The following CLIP1 variants were observed in gnomAD, a reference collection of about 807,000 sequenced individuals.
CLIP1 encodes the protein CAP-Gly domain containing linker protein 1, also known as CAP-Gly domain-containing linker protein 1.
In CLIP1, 66 loss-of-function variants were observed where a neutral mutation model predicts 161.6. That is an observed-to-expected ratio of 0.41 (90% CI 0.33 to 0.50). The LOEUF (loss-of-function observed/expected upper bound fraction) is 0.50, where lower values mean the gene tolerates loss of function less well. CLIP1 is among the 20% of genes least tolerant of loss of function. CLIP1 has a pLI of 0.27. For synonymous variants in CLIP1, 598 were observed against 626.2 expected (o/e 0.96, Z 0.67); for missense variants, 1,376 against 1,702.0 (o/e 0.81, Z 3.37).
At position 122,312,316 on chromosome 12, in the gene CLIP1, T is replaced by C. The variant is rs191014003; in HGVS notation, c.3474-2434A>G. The stretch of plus-strand genomic sequence containing the variant: ...TATACACCACAAGAAACTGTTTCAT[T>C]GTTATCTACAACTGAAAATAGGAGC... On this transcript the variant is annotated intron_variant, in intron 19 of 25. Transcript: ENST00000620786. Among the ~76,000 whole-genome samples, 28 of 152,354 alleles carry C rather than the reference T, an allele frequency of 1.8e-4. No individual in the cohort carries two copies. The East Asian group carries it at 5.2e-3, about 28-fold the overall frequency.
rs1429828463 is a variant in CLIP1, at chr12:122,369,166, G to A, written c.658-5059C>T. 2.0e-5 allele frequency among the ~76,000 whole-genome samples: 3 copies of A among 151,930 alleles called. No individual in the cohort carries two copies. The South Asian group carries it at 6.2e-4, about 32-fold the overall frequency. ...CCCAAGCAGCTGGGATTACAGGCATGTGCCACCACGCCCGGCTAATATTTT... is the reference window on the plus strand; with the variant it reads ...CCCAAGCAGCTGGGATTACAGGCATATGCCACCACGCCCGGCTAATATTTT... On this transcript the variant is annotated intron_variant, in intron 3 of 25. Coordinates refer to ENST00000620786, the MANE Select transcript of CLIP1 (RefSeq NM_001247997.2).
At chr12:122,327,509 G>A in intron 17 of CLIP1, among the ~76,000 whole-genome samples, 1 of 151,916 alleles carries the variant, frequency 6.6e-6, no homozygotes, top group African/African-American at 2.4e-5. Flanking sequence ...CTCCAACCAG[G>A]CTCTCTCTAG....
chr12:122,368,210 C>A (rs1420772537), intron 3 of CLIP1, among the ~76,000 whole-genome samples: 2 of 152,040 alleles, frequency 1.3e-5, no homozygotes, highest in African/African-American at 4.8e-5. Context: ...ATATATATTT[C>A]TTGAGTGTTT....
intron 17 of CLIP1, 63 bp downstream of exon 17, chr12:122,327,884 T>A: frequency 6.6e-7 from 1 of 1,512,584 alleles, no homozygotes. Flanking sequence ...CTAAGCACCC[T>A]TCCTGCCTCG....
chr12:122,294,328 C>CAAAAA (rs59785886), intron 20 of CLIP1, among the ~76,000 whole-genome samples: 10 of 84,094 alleles, frequency 1.2e-4, no homozygotes, highest in African/African-American at 3.8e-4. Flanking sequence ...GACTCTGTCT[C>CAAAAA]AAAAAAAAAA....
chr12:122,310,754 C>A (rs1000539168), intron 19 of CLIP1, among the ~76,000 whole-genome samples: 12 of 152,194 alleles, frequency 7.9e-5, no homozygotes, highest in African/African-American at 2.7e-4. Flanking sequence ...GGTTAAACTC[C>A]ATTTAGCAAG....
At chr12:122,373,356 G>C (rs1954549671) in intron 3 of CLIP1, among the ~76,000 whole-genome samples, 1 of 151,774 alleles carries the variant, frequency 6.6e-6, no homozygotes, top group African/African-American at 2.4e-5. Context: ...CCGGCAGGCA[G>C]AGGTTGCAGT....
At chr12:122,383,016 C>A (rs2136866233) in intron 1 of CLIP1, among the ~76,000 whole-genome samples, 1 of 152,278 alleles carries the variant, frequency 6.6e-6, no homozygotes, top group East Asian at 1.9e-4. Context: ...CTGCTGCTGC[C>A]TCAGACAGAT....
intron 3 of CLIP1, among the ~76,000 whole-genome samples, chr12:122,373,147 G>A (rs977950950): frequency 2.6e-5 from 4 of 152,098 alleles, no homozygotes; most frequent in Non-Finnish European, 4.4e-5. Context: ...AATAAGGGCC[G>A]GGCGTGGTGG....
chr12:122,355,378 C>T lies in CLIP1; in HGVS notation c.1006-66G>A, dbSNP rs1159040582. On this transcript the variant is annotated intron_variant, in intron 5 of 25. Transcript: ENST00000620786. The surrounding 1 kb of genome is among the most constrained non-coding windows in gnomAD (Gnocchi z 4.1). ...TCAGAAAAGCGAGGGAGGCGCGATG[C>T]ATGCATGGCGGGCATCTGCTCGGCA... The T allele has an allele frequency of 4.1e-6, 6 of 1,449,590 alleles. No homozygotes were observed. In the African/African-American group the frequency reaches 5.6e-5, roughly 13 times the overall value. The allele number at this position is 1,449,590 out of a possible 1,614,324, so 89.8% of individuals were successfully genotyped here.
Position 122,328,012 on chromosome 12 carries a change from G to A in CLIP1, c.3184C>T (p.Arg1062Trp), listed in dbSNP as rs149786638. 1.3e-5 allele frequency: 21 copies of A among 1,613,966 alleles called. No individual in the cohort carries two copies. The highest frequency in any genetic ancestry group is 6.7e-5 in the African/African-American group (5 of 74,886). ...TGCAGCAAGCCACTGTTCTCCTCCCGTGCGCCCTTCAGCTTGTCCTCTGTG... is the reference window on the plus strand; with the variant it reads ...TGCAGCAAGCCACTGTTCTCCTCCCATGCGCCCTTCAGCTTGTCCTCTGTG... The part of the protein sequence containing the change: ...LDTEDKLKGA[R>W]EENSGLLQEL... Residue 1062 changes from arginine (R) to tryptophan (W), a missense_variant, in exon 17 of 26, where the codon CGG becomes TGG. Arg to Trp is a moderately radical substitution (Grantham distance 101). Coordinates refer to ENST00000620786, the MANE Select transcript of CLIP1 (RefSeq NM_001247997.2).
chr12:122,287,748 T>C (rs1225603412), intron 21 of CLIP1, among the ~76,000 whole-genome samples: 1 of 152,196 alleles, frequency 6.6e-6, no homozygotes, highest in East Asian at 1.9e-4. Flanking sequence ...TTGACTATCA[T>C]GGGAGAGTAA....
At chr12:122,357,840 AG>A (rs1236845378) in intron 5 of CLIP1, among the ~76,000 whole-genome samples, 1 of 150,790 alleles carries the variant, frequency 6.6e-6, no homozygotes, top group African/African-American at 2.4e-5. Flanking sequence ...CCGCCCGGCC[AG>A]CCGCCCCGCC....
At position 122,422,669 on chromosome 12, in the gene CLIP1, T is replaced by G. The variant is rs1218621864; in HGVS notation, c.-255A>C. 1 of 139,330 alleles carries G rather than the reference T, an allele frequency of 7.2e-6. No homozygotes were observed. Among genetic ancestry groups the G allele is most frequent in the South Asian group, 2.3e-4 (1 of 4,342 alleles). The allele number at this position is 139,330 out of a possible 1,614,324, so 8.6% of individuals were successfully genotyped here. A position where few individuals can be genotyped will look rare whatever the true frequency, so the allele number is the denominator to read the frequency against. ...GCCGCGGGGCCGGGCGGGCGCGCGC[T>G]GCCAGGAGAAGACGCCGCGCGGCTC... On this transcript the variant is annotated 5_prime_UTR_variant, in exon 1 of 26. Transcript: ENST00000620786.
intron 20 of CLIP1, among the ~76,000 whole-genome samples, chr12:122,306,881 G>A (rs1950891755): frequency 6.6e-6 from 1 of 151,652 alleles, no homozygotes; most frequent in Non-Finnish European, 1.5e-5. Context: ...TAATCATGAA[G>A]TAAGCAGAAA....
chr12:122,402,861 C>T (rs1169958720), intron 1 of CLIP1, among the ~76,000 whole-genome samples: 1 of 152,184 alleles, frequency 6.6e-6, no homozygotes, highest in Non-Finnish European at 1.5e-5. Context: ...AAATTATTAA[C>T]ATTTTACATT....
intron 19 of CLIP1, 50 bp downstream of exon 19, chr12:122,316,699 T>C: frequency 8.7e-7 from 1 of 1,148,050 alleles, no homozygotes; most frequent in Non-Finnish European, 1.2e-6. Context: ...TGTTCACATT[T>C]TCAATTTAAA....
At chr12:122,392,658 C>T (rs1217678686) in intron 1 of CLIP1, among the ~76,000 whole-genome samples, 1 of 152,186 alleles carries the variant, frequency 6.6e-6, no homozygotes, top group Admixed American at 6.5e-5. Flanking sequence ...CCCGCTACCA[C>T]TCAGACACAT....
At chr12:122,351,760 C>G (rs2136445609) in intron 8 of CLIP1, among the ~76,000 whole-genome samples, 1 of 152,226 alleles carries the variant, frequency 6.6e-6, no homozygotes, top group Admixed American at 6.5e-5. Flanking sequence ...TGTCATATAT[C>G]TAGCAATGGC....
Sources: gnomAD v4.1 joint callset for allele counts (sites outside exome capture counted in the v4.1 genomes callset) on GRCh38, gnomAD v4.1.1 for gene constraint, Gnocchi (gnomAD v3.1) non-coding constraint, MANE v1.5 for transcripts, NCBI Gene and HGNC (gene_info 2026-07-23, HGNC 2026-07-21) for gene names.